The following NPAS3 variants were observed in gnomAD, a reference collection of about 807,000 sequenced individuals.
NPAS3 encodes neuronal PAS domain-containing protein 3.
NPAS3 carries 14 observed loss-of-function variants against 73.1 expected under a neutral mutation model. The ratio of observed to expected loss-of-function variants is 0.19; its 90% CI spans 0.13 to 0.30. The LOEUF (loss-of-function observed/expected upper bound fraction) is 0.30. Among genes scored for constraint, NPAS3 ranks in the 10% least tolerant of loss-of-function variants. The pLI is 1.00. For synonymous variants in NPAS3, 620 were observed against 541.5 expected, an observed-to-expected ratio of 1.14 and a Z score of -2.01; for missense variants, 1,096 against 1,250.0, an observed-to-expected ratio of 0.88 and a Z score of 1.86.
intron 3 of NPAS3, among the ~76,000 whole-genome samples, chr14:33,252,057 CTGTGTGTGTGTGTGTG>C (rs3057325): frequency 7.6e-4 from 111 of 145,210 alleles, no homozygotes; most frequent in Non-Finnish European, 3.6e-4. Flanking sequence ...GTGTGTGTGT[CTGTGTGTGTGTGTGTG>C]TGTGTGTGTG....
chr14:33,421,763 T>G (rs1383353833), intron 4 of NPAS3, among the ~76,000 whole-genome samples: 1 of 151,944 alleles, frequency 6.6e-6, no homozygotes, highest in Non-Finnish European at 1.5e-5. Flanking sequence ...AATGATACTG[T>G]TAATGAATAA....
chr14:33,486,931 C>G (rs148937135), intron 4 of NPAS3, among the ~76,000 whole-genome samples: 67 of 152,228 alleles, frequency 4.4e-4, no homozygotes, highest in African/African-American at 3.1e-4. Flanking sequence ...CTATTGGGAG[C>G]CTTCATGCTT....
intron 5 of NPAS3, among the ~76,000 whole-genome samples, chr14:33,635,384 A>G (rs1368080230): frequency 1.3e-5 from 2 of 152,188 alleles, no homozygotes; most frequent in African/African-American, 2.4e-5. Flanking sequence ...TGCTTTTTCC[A>G]AAAGCTTAGC....
chr14:33,526,208 T>C lies in NPAS3; in HGVS notation c.469-33913T>C, dbSNP rs182310848. Among the ~76,000 whole-genome samples, 223 of 152,266 alleles carry C rather than the reference T, an allele frequency of 1.5e-3. 1 individual carries two copies. The highest frequency in any genetic ancestry group is 5.1e-3 in the African/African-American group (214 of 41,568). On this transcript the variant is annotated intron_variant, in intron 4 of 11. Transcript: ENST00000356141. ...ACTCTCAGAAATGATTTTCTTTCAC[T>C]CTACTTCAGCTGGACTTGAAAGTGC...
At chr14:33,581,712 T>C (rs1406239169) in intron 5 of NPAS3, among the ~76,000 whole-genome samples, 5 of 152,052 alleles carry the variant, frequency 3.3e-5, no homozygotes, top group Admixed American at 2.6e-4. Context: ...GCTGGGACTA[T>C]AGGTGTCTGC....
intron 3 of NPAS3, among the ~76,000 whole-genome samples, chr14:33,279,200 C>T (rs1392654226): frequency 6.6e-6 from 1 of 152,084 alleles, no homozygotes; most frequent in Non-Finnish European, 1.5e-5. Flanking sequence ...GTTCCGGGAC[C>T]ATACTTAGAA....
chr14:33,680,186 C>G (rs2149837), intron 6 of NPAS3, among the ~76,000 whole-genome samples: 114,817 of 152,104 alleles, frequency 0.75, 44,032 homozygotes, highest in East Asian at 0.96. Flanking sequence ...GAGTACTATC[C>G]TCATCTTTTT....
intron 1 of NPAS3, among the ~76,000 whole-genome samples, chr14:32,955,539 A>G (rs951578318): frequency 6.5e-4 from 99 of 152,276 alleles, no homozygotes; most frequent in African/African-American, 2.3e-3. Context: ...GATATCCATA[A>G]CCAATATTGA....
rs533427036 is a variant in NPAS3, at chr14:33,656,102, T to TGTTCA, written c.559-20106_559-20102dup. Among the ~76,000 whole-genome samples the TGTTCA allele has an allele frequency of 2.8e-4, 43 of 152,302 alleles. No homozygotes were observed. The East Asian group carries it at 6.6e-3, about 23-fold the overall frequency. On this transcript the variant is annotated intron_variant, in intron 5 of 11. Coordinates refer to ENST00000356141, the Ensembl canonical transcript of NPAS3. ...AAAAATAAGTTTAGTATCGAATTTC[T>TGTTCA]GTTCAGTCAGACTTTCCACAACTAG...
chr14:33,764,904 T>C (rs940546153), intron 7 of NPAS3, among the ~76,000 whole-genome samples: 3 of 152,248 alleles, frequency 2.0e-5, no homozygotes, highest in Admixed American at 2.0e-4. Flanking sequence ...CTACCCATGG[T>C]CCTGTTTTAT....
chr14:33,237,023 T>C (rs2048057520), intron 3 of NPAS3, among the ~76,000 whole-genome samples: 1 of 152,098 alleles, frequency 6.6e-6, no homozygotes, highest in Non-Finnish European at 1.5e-5. Context: ...TTTGTTTATG[T>C]TTTCAGTGGC....
chr14:33,606,042 C>T (rs2057549398), intron 5 of NPAS3, among the ~76,000 whole-genome samples: 1 of 151,612 alleles, frequency 6.6e-6, no homozygotes, highest in Non-Finnish European at 1.5e-5. Context: ...AAGGAGCAGA[C>T]CCACACATTT....
intron 5 of NPAS3, among the ~76,000 whole-genome samples, chr14:33,594,107 G>T (rs1054604157): frequency 6.6e-6 from 1 of 152,184 alleles, no homozygotes; most frequent in African/African-American, 2.4e-5. Context: ...CTCAGTATTT[G>T]CAGGGGGATT....
chr14:33,315,019 G>T (rs938922414), intron 3 of NPAS3, among the ~76,000 whole-genome samples: 10 of 151,998 alleles, frequency 6.6e-5, no homozygotes, highest in Admixed American at 2.6e-4. Flanking sequence ...TCATCAAAGG[G>T]CAACATGGCA....
chr14:32,964,162 A>AC (rs1351506988), intron 1 of NPAS3, among the ~76,000 whole-genome samples: 1 of 116,544 alleles, frequency 8.6e-6, no homozygotes, highest in African/African-American at 2.9e-5. Flanking sequence ...TGCTGCACTA[A>AC]AAAAAAAAAA....
intron 3 of NPAS3, among the ~76,000 whole-genome samples, chr14:33,333,725 TACTC>T (rs1292779593): frequency 6.6e-6 from 1 of 152,132 alleles, no homozygotes; most frequent in Non-Finnish European, 1.5e-5. Flanking sequence ...ATATATAACA[TACTC>T]AATAAAAGTT....
intron 4 of NPAS3, among the ~76,000 whole-genome samples, chr14:33,460,969 T>G (rs940958535): frequency 6.6e-6 from 1 of 152,168 alleles, no homozygotes; most frequent in Non-Finnish European, 1.5e-5. Flanking sequence ...ATTACATCAT[T>G]CCCTGTTTCT....
At chr14:33,126,404 G>C (rs1179449206) in intron 2 of NPAS3, among the ~76,000 whole-genome samples, 1 of 152,076 alleles carries the variant, frequency 6.6e-6, no homozygotes, top group African/African-American at 2.4e-5. Context: ...CAGCTTTCTT[G>C]CACTGGGAAA....
intron 2 of NPAS3, among the ~76,000 whole-genome samples, chr14:33,061,857 G>A (rs2041114513): frequency 6.6e-6 from 1 of 152,170 alleles, no homozygotes; most frequent in Non-Finnish European, 1.5e-5. Flanking sequence ...GTCAACTATG[G>A]AAGCAGCACC....
Sources: gnomAD v4.1 joint callset for allele counts (sites outside exome capture counted in the v4.1 genomes callset) on GRCh38, gnomAD v4.1.1 for gene constraint, MANE v1.5 for transcripts, NCBI Gene and HGNC (gene_info 2026-07-23, HGNC 2026-07-21) for gene names.